TRDN: variants seen among roughly 807,000 people sequenced by gnomAD.
TRDN encodes the protein triadin.
TRDN carries 161 observed loss-of-function variants against 149.7 expected under a neutral mutation model. The observed-to-expected ratio is 1.08, with a 90% CI of 0.95 to 1.23. TRDN has a LOEUF of 1.23. TRDN is among the 50% of genes most tolerant of loss of function. The probability of loss-of-function intolerance (pLI) is 0.00; values close to 1 mark genes in which losing one functional copy is unlikely to be tolerated. For synonymous variants in TRDN, 294 were observed against 250.5 expected (o/e 1.17, Z -1.64); for missense variants, 896 against 823.5 (o/e 1.09, Z -1.08).
chr6:123,485,832 C>A (rs1228114352), intron 9 of TRDN, among the ~76,000 whole-genome samples: 1 of 152,026 alleles, frequency 6.6e-6, no homozygotes, highest in Non-Finnish European at 1.5e-5. Flanking sequence ...ATAATTAATT[C>A]TTTTTATGAC....
At chr6:123,629,121 A>G (rs1211718395) in intron 1 of TRDN, among the ~76,000 whole-genome samples, 1 of 152,152 alleles carries the variant, frequency 6.6e-6, no homozygotes, top group Admixed American at 6.6e-5. Flanking sequence ...AATGTCAGAG[A>G]AGTGCCACTT....
chr6:123,564,207 A>T (rs1259856086), intron 2 of TRDN, among the ~76,000 whole-genome samples: 1 of 152,166 alleles, frequency 6.6e-6, no homozygotes, highest in East Asian at 1.9e-4. Flanking sequence ...TTTTAGGTGT[A>T]ATGACCAAGA....
At chr6:123,561,087 G>T (rs866336974) in intron 2 of TRDN, among the ~76,000 whole-genome samples, 31 of 152,264 alleles carry the variant, frequency 2.0e-4, no homozygotes, top group African/African-American at 7.0e-4. Context: ...ACTTTCACTG[G>T]ATGGGTAGAG....
At position 123,600,945 on chromosome 6, in the gene TRDN, A is replaced by G. The variant is rs551297290; in HGVS notation, c.23-29813T>C. On this transcript the variant is annotated intron_variant, in intron 1 of 40. Transcript: ENST00000334268. The stretch of plus-strand genomic sequence containing the variant: ...TAAAAACAAAAAAATTATTATTTAT[A>G]TGTACTTATCAGTTAAATACTGAAC... 3.2e-3 allele frequency among the ~76,000 whole-genome samples: 494 copies of G among 152,252 alleles called. 1 individual carries two copies. Among genetic ancestry groups the G allele is most frequent in the African/African-American group, 0.011 (456 of 41,564 alleles).
At chr6:123,587,090 G>T (rs1222802991) in intron 1 of TRDN, among the ~76,000 whole-genome samples, 1 of 151,720 alleles carries the variant, frequency 6.6e-6, no homozygotes, top group Non-Finnish European at 1.5e-5. Context: ...CCCCCAGAAA[G>T]GTGGAAAAGA....
Position 123,331,837 on chromosome 6 carries a change from A to C in TRDN, c.1471+42T>G, listed in dbSNP as rs770064351. The C allele has an allele frequency of 7.4e-6, 10 of 1,356,604 alleles. No homozygotes were observed. In the South Asian group the frequency reaches 1.5e-4, roughly 21 times the overall value. The allele number at this position is 1,356,604 out of a possible 1,614,324, so 84.0% of individuals were successfully genotyped here. On this transcript the variant is annotated intron_variant, in intron 23 of 40. Coordinates refer to ENST00000334268, the MANE Select transcript of TRDN (RefSeq NM_006073.4). ...TGTTGCAAATAACTGAATATGCAAA[A>C]GGCAGATCAATGTGGCTTCACATTT... is the stretch of plus-strand genomic sequence containing the variant.
chr6:123,227,376 A>T (rs1311995821), intron 38 of TRDN, among the ~76,000 whole-genome samples: 1 of 151,928 alleles, frequency 6.6e-6, no homozygotes, highest in Non-Finnish European at 1.5e-5. Flanking sequence ...GGAGAAAGAC[A>T]GTGGTGCCAC....
chr6:123,417,487 G>A (rs1773706148), intron 12 of TRDN, among the ~76,000 whole-genome samples: 1 of 152,172 alleles, frequency 6.6e-6, no homozygotes, highest in Non-Finnish European at 1.5e-5. Flanking sequence ...GGCTATTTCT[G>A]TGATTGTTTT....
At chr6:123,617,267 T>G (rs1715455779) in intron 1 of TRDN, among the ~76,000 whole-genome samples, 1 of 152,140 alleles carries the variant, frequency 6.6e-6, no homozygotes, top group African/African-American at 2.4e-5. Context: ...TTTTAAAAGT[T>G]CAGTTTAAAA....
At chr6:123,410,444 C>T (rs1037444972) in intron 12 of TRDN, among the ~76,000 whole-genome samples, 1 of 152,004 alleles carries the variant, frequency 6.6e-6, no homozygotes, top group African/African-American at 2.4e-5. Flanking sequence ...AAGTGATCAA[C>T]GAAGAAACAA....
At chr6:123,259,554 A>C in intron 35 of TRDN, 70 bp downstream of exon 35, 1 of 992,240 alleles carries the variant, frequency 1.0e-6, no homozygotes, top group Non-Finnish European at 1.5e-6. Flanking sequence ...TATAATTTGT[A>C]TAAATTTGTT....
chr6:123,438,026 A>G, intron 12 of TRDN, 37 bp downstream of exon 12: 1 of 1,539,314 alleles, frequency 6.5e-7, no homozygotes, highest in Non-Finnish European at 8.9e-7. Flanking sequence ...AACATCCTGA[A>G]CGTAATCCAT....
intron 1 of TRDN, among the ~76,000 whole-genome samples, chr6:123,615,472 ATGTGTGTGTGTATG>A (rs1328976246): frequency 6.6e-6 from 1 of 151,856 alleles, no homozygotes; most frequent in East Asian, 1.9e-4. Flanking sequence ...GAATAATGGA[ATGTGTGTGTGTATG>A]TGTGTGTGTG....
At chr6:123,394,245 G>GT (rs532361115) in intron 12 of TRDN, among the ~76,000 whole-genome samples, 4 of 151,510 alleles carry the variant, frequency 2.6e-5, no homozygotes, top group Admixed American at 6.6e-5. Flanking sequence ...CTTGTTCTAA[G>GT]TTTTTTTTGC....
intron 10 of TRDN, among the ~76,000 whole-genome samples, chr6:123,439,312 T>A (rs1317045990): frequency 6.6e-6 from 1 of 152,236 alleles, no homozygotes; most frequent in Admixed American, 6.5e-5. Context: ...CAATTGTTTA[T>A]CTAGTGCCTA....
chr6:123,222,456 A>G (rs1233463206), intron 39 of TRDN, among the ~76,000 whole-genome samples: 1 of 146,948 alleles, frequency 6.8e-6, no homozygotes, highest in Non-Finnish European at 1.5e-5. Context: ...CTATGAGTAA[A>G]AAACCTATTA....
At chr6:123,368,568 G>T (rs1029474459) in intron 19 of TRDN, among the ~76,000 whole-genome samples, 19 of 152,056 alleles carry the variant, frequency 1.2e-4, no homozygotes, top group African/African-American at 4.6e-4. Context: ...CTAATATTTT[G>T]CCAGGGTTGG....
intron 10 of TRDN, among the ~76,000 whole-genome samples, chr6:123,439,234 G>A (rs969352720): frequency 4.6e-5 from 7 of 152,114 alleles, no homozygotes; most frequent in African/African-American, 1.7e-4. Context: ...CAGTAAATGT[G>A]TAACGTTGTA....
chr6:123,537,284 A>G (rs572311165), intron 4 of TRDN, among the ~76,000 whole-genome samples: 39 of 152,214 alleles, frequency 2.6e-4, no homozygotes, highest in African/African-American at 8.7e-4. Flanking sequence ...TCTACATTCT[A>G]TTTTGTCTTA....
Sources: allele counts gnomAD v4.1 joint callset (sites outside exome capture counted in the v4.1 genomes callset), GRCh38; gene constraint gnomAD v4.1.1; transcripts MANE v1.5; gene names NCBI Gene and HGNC (gene_info 2026-07-23, HGNC 2026-07-21).